Variants in NALCN observed in about 807,000 individuals in gnomAD.
NALCN encodes the protein sodium leak channel NALCN.
In NALCN, 111 loss-of-function variants were observed where a neutral mutation model predicts 225.3. That is an observed-to-expected ratio of 0.49 (90% CI 0.42 to 0.58). NALCN has a LOEUF of 0.58. Among genes scored for constraint, NALCN ranks in the 20% least tolerant of loss-of-function variants. The pLI is 0.00. For synonymous variants in NALCN, 764 were observed against 769.0 expected (o/e 0.99, Z 0.11); for missense variants, 1,378 against 2,202.4 (o/e 0.63, Z 7.49).
In NALCN at chr13:101,143,088, C is replaced by G; in HGVS notation, c.2110G>C (p.Asp704His). Residue 704 changes from aspartate to histidine, a missense_variant, in exon 17 of 44, where the codon GAC becomes CAC. Coordinates refer to ENST00000251127, the MANE Select transcript of NALCN (RefSeq NM_052867.4). Reference sequence around the variant, plus strand: ...GAAACAGCAGATCTTACTTTTTGGTCGATGTATTTGTTGTCCTCAATTGCT... The same window carrying G: ...GAAACAGCAGATCTTACTTTTTGGTGGATGTATTTGTTGTCCTCAATTGCT... ...RSAIEDNKYI[D>H]QKLRKSVFSI... 1.2e-6 allele frequency: 2 copies of G among 1,613,996 alleles called. No individual in the cohort carries two copies. Among genetic ancestry groups the G allele is most frequent in the Non-Finnish European group, 1.7e-6 (2 of 1,179,986 alleles).
chr13:101,122,489 C>T (rs2036026815), intron 18 of NALCN, among the ~76,000 whole-genome samples: 1 of 152,040 alleles, frequency 6.6e-6, no homozygotes, highest in Admixed American at 6.6e-5. Flanking sequence ...TGTCTATATT[C>T]CCTGATAGTC....
chr13:101,103,062 A>G, intron 26 of NALCN, 110 bp downstream of exon 26: 2 of 1,345,204 alleles, frequency 1.5e-6, no homozygotes, highest in Non-Finnish European at 1.0e-6. Flanking sequence ...CCCTCTGGCA[A>G]TAACCAAAAC....
intron 14 of NALCN, among the ~76,000 whole-genome samples, chr13:101,181,515 G>A (rs2139963305): frequency 6.6e-6 from 1 of 152,010 alleles, no homozygotes; most frequent in African/African-American, 2.4e-5. Context: ...GGGAAGCTGA[G>A]GCAGGATTGC....
chr13:101,234,400 T>C (rs1429155315), intron 12 of NALCN, among the ~76,000 whole-genome samples: 1 of 152,232 alleles, frequency 6.6e-6, no homozygotes, highest in South Asian at 2.1e-4. Flanking sequence ...CACTTTGCAC[T>C]AAACATTACT....
At chr13:101,077,083 G>T (rs982774951) in intron 34 of NALCN, among the ~76,000 whole-genome samples, 2 of 151,880 alleles carry the variant, frequency 1.3e-5, no homozygotes, top group African/African-American at 4.8e-5. Flanking sequence ...CCCTTTCACT[G>T]GTCACTCATA....
At chr13:101,333,407 C>T (rs2045255904) in intron 7 of NALCN, among the ~76,000 whole-genome samples, 1 of 151,962 alleles carries the variant, frequency 6.6e-6, no homozygotes, top group South Asian at 2.1e-4. Context: ...TTCCAGAATC[C>T]CAAGTCCTAA....
chr13:101,226,810 G>T (rs1362737634), intron 13 of NALCN, among the ~76,000 whole-genome samples: 1 of 152,180 alleles, frequency 6.6e-6, no homozygotes, highest in Non-Finnish European at 1.5e-5. Context: ...GGCCATAGCT[G>T]CAGTCCCAGA....
At chr13:101,093,452 C>T (rs986412791) in intron 28 of NALCN, among the ~76,000 whole-genome samples, 1 of 152,082 alleles carries the variant, frequency 6.6e-6, no homozygotes, top group African/African-American at 2.4e-5. Flanking sequence ...TTTATTAGAT[C>T]GAAGGTGTCT....
intron 18 of NALCN, among the ~76,000 whole-genome samples, chr13:101,114,422 TC>T (rs2035599354): frequency 6.9e-6 from 1 of 145,608 alleles, no homozygotes; most frequent in Non-Finnish European, 1.5e-5. Context: ...CATAGCATAT[TC>T]ATTCTCTCTC....
At chr13:101,289,505 T>A (rs1289961680) in intron 9 of NALCN, among the ~76,000 whole-genome samples, 1 of 146,554 alleles carries the variant, frequency 6.8e-6, no homozygotes, top group Non-Finnish European at 1.5e-5. Context: ...AGAAAGCCCC[T>A]TCTTTGTTCT....
At chr13:101,347,544 T>C (rs1389555575) in intron 6 of NALCN, among the ~76,000 whole-genome samples, 32 of 152,202 alleles carry the variant, frequency 2.1e-4, no homozygotes, top group Admixed American at 2.1e-3. Context: ...TTTCAGAATG[T>C]GTGGTACAAA....
In NALCN at chr13:101,330,169, G is replaced by A. The variant is rs1233428534; in HGVS notation, c.799+15097C>T. On this transcript the variant is annotated intron_variant, in intron 7 of 43. Transcript: ENST00000251127. ...TTTTCCCTTACCCTCCTCACCCTAT[G>A]CCAAATCAACACAAGGAAATAGATA... Among the ~76,000 whole-genome samples the A allele has an allele frequency of 3.3e-5, 5 of 151,822 alleles. No homozygotes were observed. In the East Asian group the frequency reaches 9.6e-4, roughly 29 times the overall value.
chr13:101,066,509 T>G (rs1007593259), intron 39 of NALCN, among the ~76,000 whole-genome samples: 1 of 151,948 alleles, frequency 6.6e-6, no homozygotes, highest in African/African-American at 2.4e-5. Context: ...TGAATGAAAG[T>G]GCTGGGCGGA....
intron 7 of NALCN, among the ~76,000 whole-genome samples, chr13:101,328,942 A>C (rs1566581568): frequency 6.6e-6 from 1 of 152,166 alleles, no homozygotes; most frequent in Non-Finnish European, 1.5e-5. Flanking sequence ...TATAATCATC[A>C]CTGAGCCCTG....
At position 101,257,209 on chromosome 13, in the gene NALCN, G is replaced by GTTTTTTTTTTTTTTT. The variant is rs34334262; in HGVS notation, c.1266+1219_1266+1233dup. On this transcript the variant is annotated intron_variant, in intron 11 of 43. Coordinates refer to ENST00000251127, the MANE Select transcript of NALCN (RefSeq NM_052867.4). ...TAGCACAAAACTCTTATTGTTTATTGTTTTTTTTTTTTTTTTTTGCTAGAT... is the reference window on the plus strand; with the variant it reads ...TAGCACAAAACTCTTATTGTTTATTGTTTTTTTTTTTTTTTTTTTTTTTTTTTTTTTTTGCTAGAT... Among the ~76,000 whole-genome samples the GTTTTTTTTTTTTTTT allele has an allele frequency of 3.3e-5, 4 of 121,116 alleles. 1 individual carries two copies. The highest frequency in any genetic ancestry group is 5.0e-5 in the Non-Finnish European group (3 of 59,486). The allele number at this position is 121,116 out of a possible 152,430, so 79.5% of individuals were successfully genotyped here. A position where few individuals can be genotyped will look rare whatever the true frequency, so the allele number is the denominator to read the frequency against.
intron 14 of NALCN, among the ~76,000 whole-genome samples, chr13:101,187,124 G>A (rs1260979968): frequency 6.6e-6 from 1 of 152,068 alleles, no homozygotes; most frequent in Non-Finnish European, 1.5e-5. Flanking sequence ...AAAATATTAA[G>A]ACATTTTGAA....
At chr13:101,205,506 T>C (rs185936654) in intron 13 of NALCN, among the ~76,000 whole-genome samples, 5 of 152,240 alleles carry the variant, frequency 3.3e-5, no homozygotes, top group African/African-American at 7.2e-5. Flanking sequence ...TTGCAGAGCA[T>C]GGTATTTTTA....
intron 6 of NALCN, among the ~76,000 whole-genome samples, chr13:101,356,901 C>A (rs764531338): frequency 6.6e-6 from 1 of 152,128 alleles, no homozygotes; most frequent in Non-Finnish European, 1.5e-5. Flanking sequence ...AATCAATAAA[C>A]GTAATTCATC....
chr13:101,337,323 T>TATTTA (rs200565320), intron 7 of NALCN, among the ~76,000 whole-genome samples: 1 of 141,060 alleles, frequency 7.1e-6, no homozygotes, highest in Non-Finnish European at 1.5e-5. Context: ...TTTATTTATT[T>TATTTA]TTTGAGACAG....
Sources: gnomAD v4.1 joint callset for allele counts (sites outside exome capture counted in the v4.1 genomes callset) on GRCh38, gnomAD v4.1.1 for gene constraint, MANE v1.5 for transcripts, NCBI Gene and HGNC (gene_info 2026-07-23, HGNC 2026-07-21) for gene names.